The following PABPC1L variants were observed in gnomAD, a reference collection of about 807,000 sequenced individuals.
The protein encoded by PABPC1L is polyadenylate-binding protein 1-like.
In PABPC1L, 31 loss-of-function variants were observed where a neutral mutation model predicts 66.6. The observed-to-expected ratio is 0.47, with a 90% CI of 0.35 to 0.63. The LOEUF (loss-of-function observed/expected upper bound fraction) is 0.63. PABPC1L is among the 20% of genes least tolerant of loss of function. The pLI is 0.00. For synonymous variants in PABPC1L, 348 were observed against 335.1 expected, an observed-to-expected ratio of 1.04 and a Z score of -0.42; for missense variants, 722 against 848.8, an observed-to-expected ratio of 0.85 and a Z score of 1.86.
chr20:44,913,199 G>C (rs1247660997), intron 2 of PABPC1L, among the ~76,000 whole-genome samples: 1 of 152,196 alleles, frequency 6.6e-6, no homozygotes, highest in Non-Finnish European at 1.5e-5. Flanking sequence ...ACTGAAAGCT[G>C]AGTGGGAGCT....
Position 44,930,740 on chromosome 20 carries a change from C to G in PABPC1L, c.1239+14C>G. 1.9e-6 allele frequency: 3 copies of G among 1,609,020 alleles called. No homozygotes were observed. The highest frequency in any genetic ancestry group is 2.5e-6 in the Non-Finnish European group (3 of 1,178,190). On this transcript the variant is annotated intron_variant, in intron 8 of 14. Transcript: ENST00000217073. ...GCCATGCCCCAGGTGACGGCCTGCCCGCAACTCCCACCGCAGCCTTCCCCC... is the reference window on the plus strand; with the variant it reads ...GCCATGCCCCAGGTGACGGCCTGCCGGCAACTCCCACCGCAGCCTTCCCCC...
intron 8 of PABPC1L, 51 bp from the exon 9 acceptor site, chr20:44,932,291 C>A: frequency 6.8e-7 from 1 of 1,479,836 alleles, no homozygotes; most frequent in South Asian, 1.2e-5. Flanking sequence ...TGTAGCTTCT[C>A]ACCTACCCTG....
chr20:44,918,973 A>G lies in PABPC1L; in HGVS notation c.571A>G (p.Thr191Ala). The G allele has an allele frequency of 6.2e-7, 1 of 1,613,448 alleles. No individual in the cohort carries two copies. The highest frequency in any genetic ancestry group is 1.7e-5 in the Admixed American group (1 of 59,942). Reference protein sequence around the residue: ...AELGARALEFTNIYVKNLPVD... With the variant: ...AELGARALEFANIYVKNLPVD... ...GCTGGGGGCGCGGGCCCTGGAGTTC[A>G]CCAACATCTACGTGAAGAACCTCCC... The change falls in exon 4 of 15, where the codon ACC becomes GCC. Residue 191 changes from threonine to alanine, a missense_variant. Thr to Ala is a moderately conservative substitution (Grantham distance 58, BLOSUM62 0). Around this residue, in one of 3 missense-constraint regions of PABPC1L, gnomAD observed 284 missense variants for 294.8 expected, o/e 0.96. Transcript: ENST00000217073.
intron 9 of PABPC1L, 70 bp downstream of exon 9, chr20:44,932,502 C>T: frequency 3.6e-6 from 5 of 1,400,772 alleles, no homozygotes; most frequent in South Asian, 1.3e-5. Context: ...AGTCATAACA[C>T]AGGGATGAAA....
At position 44,939,167 on chromosome 20, in the gene PABPC1L, T is replaced by C. The variant is rs1417773933; in HGVS notation, c.*48T>C. The stretch of plus-strand genomic sequence containing the variant: ...TTCCATGGCTGCCAAAAGGACAGTG[T>C]TTCTGGCTCTCAGCCCTAAGGCCCT... On this transcript the variant is annotated 3_prime_UTR_variant, in exon 15 of 15. Transcript: ENST00000217073. 2.8e-6 allele frequency: 2 copies of C among 717,972 alleles called. No homozygotes were observed. Among genetic ancestry groups the C allele is most frequent in the African/African-American group, 3.5e-5 (2 of 57,278 alleles). 44.5% of individuals were successfully genotyped at this position (717,972 alleles called of 1,614,324 possible).
rs781091821 is a variant in PABPC1L at position 44,938,119 on chromosome 20, G to A, written c.1719G>A (p.Thr573=). ...DVHTQLAGKI[T]GMLLEIDNSE... ...ACACCCAGCTGGCTGGCAAGATCAC[G>A]GGCATGCTGCTGGAGATTGACAACT... The change falls in exon 13 of 15, where the codon ACG becomes ACA. Residue 573 remains threonine (T), a synonymous_variant. Coordinates refer to ENST00000217073, the MANE Select transcript of PABPC1L (RefSeq NM_001372179.1). 106 of 1,614,016 alleles carry A rather than the reference G, an allele frequency of 6.6e-5. No individual in the cohort carries two copies. In the South Asian group the frequency reaches 1.1e-3, roughly 17 times the overall value.
chr20:44,933,327 G>C, intron 10 of PABPC1L, 142 bp downstream of exon 10: 1 of 672,108 alleles, frequency 1.5e-6, no homozygotes. Flanking sequence ...TAGTTAGCTT[G>C]GCCTCCAGTT....
intron 7 of PABPC1L, among the ~76,000 whole-genome samples, chr20:44,929,046 G>A (rs572888986): frequency 6.6e-6 from 1 of 151,970 alleles, no homozygotes; most frequent in South Asian, 2.1e-4. Context: ...ACCTAGGTAG[G>A]AGGATCTCTT....
intron 7 of PABPC1L, among the ~76,000 whole-genome samples, chr20:44,929,064 G>A (rs2145573344): frequency 6.6e-6 from 1 of 151,844 alleles, no homozygotes; most frequent in Non-Finnish European, 1.5e-5. Context: ...CTTGAGACCA[G>A]CCTGGGCAAC....
intron 7 of PABPC1L, among the ~76,000 whole-genome samples, chr20:44,926,027 C>T (rs748625109): frequency 6.6e-6 from 1 of 152,182 alleles, no homozygotes; most frequent in Non-Finnish European, 1.5e-5. Flanking sequence ...GCATGTACAG[C>T]ATCTGCATTC....
intron 3 of PABPC1L, 77 bp downstream of exon 3, chr20:44,916,948 A>G: frequency 7.2e-7 from 1 of 1,391,690 alleles, no homozygotes; most frequent in Non-Finnish European, 1.0e-6. Context: ...AATCGATGCT[A>G]CCCTCAAGCT....
At chr20:44,929,692 G>A (rs1168128638) in intron 7 of PABPC1L, among the ~76,000 whole-genome samples, 3 of 151,860 alleles carry the variant, frequency 2.0e-5, no homozygotes, top group African/African-American at 4.8e-5. Flanking sequence ...CTACCCAGGA[G>A]GCTAAGGCAG....
intron 3 of PABPC1L, among the ~76,000 whole-genome samples, 181 bp from the exon 4 acceptor site, chr20:44,918,725 A>G (rs555926797): frequency 1.1e-3 from 173 of 152,296 alleles, no homozygotes; most frequent in Admixed American, 1.8e-3. Flanking sequence ...ACATAATATA[A>G]TATCTTGGCT....
chr20:44,923,075 G>A (rs907074169), intron 6 of PABPC1L, among the ~76,000 whole-genome samples: 1 of 152,162 alleles, frequency 6.6e-6, no homozygotes, highest in South Asian at 2.1e-4. Context: ...ACAATTGTGC[G>A]GTCTCTGTTC....
chr20:44,934,047 C>T lies in PABPC1L; in HGVS notation c.1459+862C>T, dbSNP rs111699849. On this transcript the variant is annotated intron_variant, in intron 10 of 14. Transcript: ENST00000217073. ...GATTACAGGCATGAGCCACCATGCC[C>T]GGCTTGTTGTTGAGGATCAATGAGA... 7.7e-3 allele frequency among the ~76,000 whole-genome samples: 1,174 copies of T among 152,288 alleles called. 17 individuals are homozygous for T. Among genetic ancestry groups the T allele is most frequent in the African/African-American group, 0.027 (1,132 of 41,560 alleles).
At chr20:44,919,334 A>G (rs2066758117) in intron 5 of PABPC1L, 57 bp downstream of exon 5, 29 of 1,561,416 alleles carry the variant, frequency 1.9e-5, no homozygotes, top group Non-Finnish European at 2.5e-5. Flanking sequence ...GGGACTAAGA[A>G]GAGGGTCCCA....
rs1324062924 is a variant in PABPC1L at position 44,921,719 on chromosome 20, G to C, written c.864G>C (p.Leu288=). ...TTGAGCAGATGAAGCAGGACCGGCT[G>C]AGGCGTTACCAGGTGAGGTCAGGCT... ...RRFEQMKQDR[L]RRYQGVNLYV... Residue 288 remains leucine (L), a synonymous_variant, in exon 6 of 15, where the codon CTG becomes CTC. Coordinates refer to ENST00000217073, the MANE Select transcript of PABPC1L (RefSeq NM_001372179.1). The C allele has an allele frequency of 1.2e-6, 2 of 1,613,472 alleles. No homozygotes were observed. Among genetic ancestry groups the C allele is most frequent in the African/African-American group, 2.7e-5 (2 of 74,894 alleles).
chr20:44,927,254 C>T (rs1318077522), intron 7 of PABPC1L, among the ~76,000 whole-genome samples: 4 of 152,144 alleles, frequency 2.6e-5, no homozygotes, highest in African/African-American at 7.2e-5. Flanking sequence ...ACTTATACCA[C>T]TATCAAGTTC....
chr20:44,920,604 G>T (rs962741479), intron 5 of PABPC1L, among the ~76,000 whole-genome samples: 2 of 151,946 alleles, frequency 1.3e-5, no homozygotes, highest in Non-Finnish European at 1.5e-5. Context: ...GAGTAGCTGG[G>T]ACTACAGGCG....
Sources: gnomAD v4.1 joint callset for allele counts (sites outside exome capture counted in the v4.1 genomes callset) on GRCh38, gnomAD v4.1.1 for gene constraint, gnomAD v4.1.1 regional missense constraint, MANE v1.5 for transcripts, NCBI Gene and HGNC (gene_info 2026-07-23, HGNC 2026-07-21) for gene names.